XPO4: variants seen among roughly 807,000 people sequenced by gnomAD.
XPO4 encodes exportin-4.
Under a neutral mutation model 143.0 loss-of-function variants are expected in XPO4, and 39 were observed. The ratio of observed to expected loss-of-function variants is 0.27; its 90% CI spans 0.21 to 0.36. The LOEUF (loss-of-function observed/expected upper bound fraction) is 0.36. Among genes scored for constraint, XPO4 ranks in the 10% least tolerant of loss-of-function variants. XPO4 has a pLI of 1.00. For synonymous variants in XPO4, 439 were observed against 474.0 expected (o/e 0.93, Z 0.96); for missense variants, 907 against 1,348.0 (o/e 0.67, Z 5.12).
chr13:20,803,864 G>A lies in XPO4; in HGVS notation c.1818-2874C>T, dbSNP rs528525818. ...TAGGAAAATGATGCTGGGACCTGAC[G>A]GCTGCATTCCCAGAAAATCAGGCAT... is the stretch of plus-strand genomic sequence containing the variant. On this transcript the variant is annotated intron_variant, in intron 13 of 22. Coordinates refer to ENST00000255305, the MANE Select transcript of XPO4 (RefSeq NM_022459.5). This position sits in a 1 kb window ranked among gnomAD's most constrained non-coding sequence, Gnocchi z 4.1. 4.6e-5 allele frequency among the ~76,000 whole-genome samples: 7 copies of A among 152,166 alleles called. No individual in the cohort carries two copies. The highest frequency in any genetic ancestry group is 1.7e-4 in the African/African-American group (7 of 41,510).
At position 20,799,053 on chromosome 13, in the gene XPO4, G is replaced by GA. The variant is rs1595065393; in HGVS notation, c.2322+111dup. On this transcript the variant is annotated intron_variant, in intron 16 of 22. Transcript: ENST00000255305. ...AAAAAAAAAGAAAGAAAGAAAGAAA[G>GA]AAAAGCTATGACTGATACATTTATG... The GA allele has an allele frequency of 1.0e-5, 10 of 975,692 alleles. No individual in the cohort carries two copies. In the East Asian group the frequency reaches 2.6e-4, roughly 25 times the overall value. The allele number at this position is 975,692 out of a possible 1,614,324, so 60.4% of individuals were successfully genotyped here. A position where few individuals can be genotyped will look rare whatever the true frequency, so the allele number is the denominator to read the frequency against.
At position 20,843,067 on chromosome 13, in the gene XPO4, A is replaced by G; in HGVS notation, c.574-19T>C. On this transcript the variant is annotated intron_variant, in intron 5 of 22. Transcript: ENST00000255305. ...CTTCTTCCTATAGTCAATAAATCACAAATATTTTATATGAAAAATTTATTC... is the reference window on the plus strand; with the variant it reads ...CTTCTTCCTATAGTCAATAAATCACGAATATTTTATATGAAAAATTTATTC... 1 of 1,572,368 alleles carries G rather than the reference A, an allele frequency of 6.4e-7. No homozygotes were observed. The highest frequency in any genetic ancestry group is 8.6e-7 in the Non-Finnish European group (1 of 1,156,952).
intron 1 of XPO4, among the ~76,000 whole-genome samples, chr13:20,900,514 T>A (rs1595177430): frequency 6.6e-6 from 1 of 152,192 alleles, no homozygotes; most frequent in Non-Finnish European, 1.5e-5. Flanking sequence ...TATTAATAAT[T>A]TGGAATATAG....
chr13:20,832,884 TA>T (rs1203175947), intron 6 of XPO4, among the ~76,000 whole-genome samples: 1 of 151,874 alleles, frequency 6.6e-6, no homozygotes, highest in African/African-American at 2.4e-5. Context: ...ACTTACTCTA[TA>T]ATCCAGTTAG....
chr13:20,821,468 T>C (rs144656271), intron 9 of XPO4, among the ~76,000 whole-genome samples: 3 of 152,182 alleles, frequency 2.0e-5, no homozygotes, highest in Non-Finnish European at 4.4e-5. Context: ...ATTTGGGTAC[T>C]AAATTATCTC....
intron 1 of XPO4, among the ~76,000 whole-genome samples, chr13:20,869,306 A>C (rs1413310164): frequency 6.6e-6 from 1 of 152,206 alleles, no homozygotes; most frequent in Non-Finnish European, 1.5e-5. Context: ...AACAATTTCT[A>C]AAGTCTGACC....
intron 1 of XPO4, among the ~76,000 whole-genome samples, chr13:20,871,702 A>G (rs1264182370): frequency 1.3e-5 from 2 of 152,228 alleles, no homozygotes; most frequent in Non-Finnish European, 1.5e-5. Context: ...GAAAAGCACA[A>G]CATATCCATA....
Position 20,781,434 on chromosome 13 carries a change from A to AG in XPO4, c.*2287_*2288insC, listed in dbSNP as rs1180216425. On this transcript the variant is annotated 3_prime_UTR_variant, in exon 23 of 23. Transcript: ENST00000255305. Reference sequence around the variant, plus strand: ...GGCTTCTCCCCACCCCAGTGAGCTAATATTCAACATTCTGCTGATCTTATA... The same window carrying AG: ...GGCTTCTCCCCACCCCAGTGAGCTAAGTATTCAACATTCTGCTGATCTTATA... 6.6e-6 allele frequency: 1 copy of AG among 152,626 alleles called. No individual in the cohort carries two copies. Among genetic ancestry groups the AG allele is most frequent in the African/African-American group, 2.4e-5 (1 of 41,438 alleles). 9.5% of individuals were successfully genotyped at this position (152,626 alleles called of 1,614,324 possible). A position where few individuals can be genotyped will look rare whatever the true frequency, so the allele number is the denominator to read the frequency against.
chr13:20,816,512 C>T (rs995018376), intron 9 of XPO4, among the ~76,000 whole-genome samples: 8 of 152,158 alleles, frequency 5.3e-5, no homozygotes, highest in Non-Finnish European at 1.0e-4. Context: ...TGACAGTATT[C>T]CTGGTTTCTG....
At chr13:20,893,179 C>T (rs1474236390) in intron 1 of XPO4, among the ~76,000 whole-genome samples, 1 of 152,188 alleles carries the variant, frequency 6.6e-6, no homozygotes, top group African/African-American at 2.4e-5. Flanking sequence ...TATCCAAAGC[C>T]TCACAAGGTG....
At position 20,879,405 on chromosome 13, in the gene XPO4, C is replaced by A. The variant is rs913575134; in HGVS notation, c.70-10704G>T. The A allele has an allele frequency of 2.1e-5, 17 of 791,724 alleles. No homozygotes were observed. In the African/African-American group the frequency reaches 2.8e-4, roughly 13 times the overall value. The allele number at this position is 791,724 out of a possible 1,614,324, so 49.0% of individuals were successfully genotyped here. On this transcript the variant is annotated intron_variant, in intron 1 of 22. Transcript: ENST00000255305. Reference sequence around the variant, plus strand: ...AATTACTTCAGACAATGAATACCCACAAGCAGGCCTATGACAGGTCTCTTG... The same window carrying A: ...AATTACTTCAGACAATGAATACCCAAAAGCAGGCCTATGACAGGTCTCTTG...
intron 6 of XPO4, among the ~76,000 whole-genome samples, chr13:20,842,216 G>T (rs1478801313): frequency 6.6e-6 from 1 of 152,124 alleles, no homozygotes; most frequent in Non-Finnish European, 1.5e-5. Flanking sequence ...CAACAAATGG[G>T]TAGTCACTGT....
intron 7 of XPO4, among the ~76,000 whole-genome samples, chr13:20,824,611 C>A (rs916910609): frequency 6.6e-6 from 1 of 152,090 alleles, no homozygotes; most frequent in Admixed American, 6.5e-5. Context: ...AATATAAATT[C>A]TTGCCTTTCT....
chr13:20,886,399 G>T (rs1406229730), intron 1 of XPO4, among the ~76,000 whole-genome samples: 1 of 151,938 alleles, frequency 6.6e-6, no homozygotes, highest in Non-Finnish European at 1.5e-5. Context: ...ATCACTTGAG[G>T]TTGAGAGTTC....
In XPO4 at chr13:20,799,408, C is replaced by T. The variant is rs1164969465; in HGVS notation, c.2148-69G>A. ...ATACATACACACATACACATATACACACAAAGAAAACAAAAATAAAAAATA... is the reference window on the plus strand; with the variant it reads ...ATACATACACACATACACATATACATACAAAGAAAACAAAAATAAAAAATA... On this transcript the variant is annotated intron_variant, in intron 15 of 22. Coordinates refer to ENST00000255305, the MANE Select transcript of XPO4 (RefSeq NM_022459.5). 10 of 1,297,042 alleles carry T rather than the reference C, an allele frequency of 7.7e-6. No individual in the cohort carries two copies. The Admixed American group carries it at 1.4e-4, about 18-fold the overall frequency. 80.3% of individuals were successfully genotyped at this position (1,297,042 alleles called of 1,614,324 possible).
At chr13:20,873,076 G>A (rs919192158) in intron 1 of XPO4, among the ~76,000 whole-genome samples, 4 of 140,652 alleles carry the variant, frequency 2.8e-5, no homozygotes, top group African/African-American at 7.8e-5. Context: ...TGGTAGTAGA[G>A]ACCCGTGACC....
chr13:20,896,477 T>C (rs2060570598), intron 1 of XPO4, among the ~76,000 whole-genome samples: 1 of 152,216 alleles, frequency 6.6e-6, no homozygotes, highest in Non-Finnish European at 1.5e-5. Context: ...CCCTATAATT[T>C]ATTTCTACAG....
chr13:20,811,444 T>C (rs547157390), intron 9 of XPO4, among the ~76,000 whole-genome samples: 2 of 152,030 alleles, frequency 1.3e-5, no homozygotes, highest in South Asian at 4.2e-4. Flanking sequence ...TGCACCATCA[T>C]GCCCAGCTAA....
At chr13:20,855,867 A>G in intron 3 of XPO4, 102 bp from the exon 4 acceptor site, 2 of 1,253,718 alleles carry the variant, frequency 1.6e-6, no homozygotes, top group South Asian at 3.2e-5. Context: ...CATTGCTTAC[A>G]TGTGAGAGTA....
Sources: gnomAD v4.1 joint callset for allele counts (sites outside exome capture counted in the v4.1 genomes callset) on GRCh38, gnomAD v4.1.1 for gene constraint, Gnocchi (gnomAD v3.1) non-coding constraint, MANE v1.5 for transcripts, NCBI Gene and HGNC (gene_info 2026-07-23, HGNC 2026-07-21) for gene names.